Variants in ANKRD37 observed in about 807,000 individuals in gnomAD.
ANKRD37 encodes ankyrin repeat domain 37, also known as ankyrin repeat domain-containing protein 37.
In ANKRD37, 17 loss-of-function variants were observed where a neutral mutation model predicts 19.7. That is an observed-to-expected ratio of 0.86 (90% confidence interval 0.59 to 1.29). The LOEUF is 1.29. Among genes scored for constraint, ANKRD37 ranks in the 50% most tolerant of loss-of-function variants. The pLI is 0.00. For missense variants in ANKRD37, 207 were observed against 190.4 expected, an observed-to-expected ratio of 1.09 and a Z score of -0.51; for synonymous variants, 79 against 74.5, an observed-to-expected ratio of 1.06 and a Z score of -0.31.
chr4:185,399,898 T>TCACTCTCA, intron 4 of ANKRD37, 119 bp from the exon 5 acceptor site: 1 of 1,539,646 alleles, frequency 6.5e-7, no homozygotes, highest in Non-Finnish European at 8.7e-7. Flanking sequence ...CATTAACATT[T>TCACTCTCA]TAGTACTGGT....
rs753135198 is a variant in ANKRD37 at position 185,399,023 on chromosome 4, A to G, written c.267A>G (p.Gln89=). The change falls in exon 3 of 5, where the codon CAA becomes CAG. Residue 89 remains glutamine (Q), a synonymous_variant. Transcript: ENST00000335174. ...GCCTGCTTGTAGCCAGTGATGCCCA[A>G]ATTGAGTGAGTATGAAAACAGTGGC... ...CLSLLVASDA[Q]IDLCNKNGQT... 2 of 1,613,390 alleles carry G rather than the reference A, an allele frequency of 1.2e-6. No homozygotes were observed. The highest frequency in any genetic ancestry group is 1.7e-6 in the Non-Finnish European group (2 of 1,179,552).
chr4:185,399,992 A>G, intron 4 of ANKRD37, 25 bp from the exon 5 acceptor site: 1 of 1,598,930 alleles, frequency 6.3e-7, no homozygotes. Context: ...AAAAGTTTTT[A>G]ATGTTAACGT....
Position 185,398,474 on chromosome 4 carries a change from A to G in ANKRD37, c.181-463A>G, listed in dbSNP as rs78617245. On this transcript the variant is annotated intron_variant, in intron 2 of 4. Transcript: ENST00000335174. ...TTCAAATTAGCCCATGGAGTTGGCTATCCCTAATGTAATCACTAAAAGTAT... is the reference window on the plus strand; with the variant it reads ...TTCAAATTAGCCCATGGAGTTGGCTGTCCCTAATGTAATCACTAAAAGTAT... Among the ~76,000 whole-genome samples the G allele has an allele frequency of 9.6e-3, 1,468 of 152,348 alleles. 33 individuals carry two copies. The highest frequency in any genetic ancestry group is 0.034 in the African/African-American group (1,400 of 41,574).
intron 4 of ANKRD37, 70 bp downstream of exon 4, chr4:185,399,843 C>T (rs1580043136): frequency 3.1e-6 from 5 of 1,589,828 alleles, no homozygotes; most frequent in Non-Finnish European, 4.3e-6. Flanking sequence ...TTTATTATTC[C>T]ATTTAATACT....
chr4:185,398,131 T>G (rs1426462031), intron 2 of ANKRD37, among the ~76,000 whole-genome samples: 1 of 152,114 alleles, frequency 6.6e-6, no homozygotes, highest in Non-Finnish European at 1.5e-5. Flanking sequence ...CTAATTTGTG[T>G]ATTTTTAGTA....
chr4:185,397,108 G>A (rs771059627), intron 1 of ANKRD37, 42 bp from the exon 2 acceptor site: 1 of 1,611,576 alleles, frequency 6.2e-7, no homozygotes, highest in Non-Finnish European at 8.5e-7. Flanking sequence ...CGCGGGACTG[G>A]ACAAAGGTGG....
intron 2 of ANKRD37, chr4:185,397,506 A>G: frequency 3.2e-6 from 2 of 619,754 alleles, no homozygotes; most frequent in South Asian, 5.5e-5. Context: ...TGAAGTTTTT[A>G]AGTAGCCACA....
At chr4:185,399,924 C>T in intron 4 of ANKRD37, 93 bp from the exon 5 acceptor site, 1 of 1,550,762 alleles carries the variant, frequency 6.4e-7, no homozygotes, top group Non-Finnish European at 8.7e-7. Flanking sequence ...TTACCAGAGT[C>T]TAGAGACCAA....
chr4:185,398,119 G>C (rs1172200092), intron 2 of ANKRD37, among the ~76,000 whole-genome samples: 1 of 151,916 alleles, frequency 6.6e-6, no homozygotes, highest in Non-Finnish European at 1.5e-5. Flanking sequence ...CACCGTGCCC[G>C]GCTAATTTGT....
chr4:185,398,186 G>A (rs1263981195), intron 2 of ANKRD37, among the ~76,000 whole-genome samples: 1 of 152,202 alleles, frequency 6.6e-6, no homozygotes, highest in East Asian at 1.9e-4. Flanking sequence ...TCGAACTCCT[G>A]ACCTTAGGTG....
At chr4:185,398,178 G>A (rs1487368219) in intron 2 of ANKRD37, among the ~76,000 whole-genome samples, 4 of 151,996 alleles carry the variant, frequency 2.6e-5, no homozygotes, top group African/African-American at 9.7e-5. Context: ...GGCTGGTCTC[G>A]AACTCCTGAC....
At chr4:185,399,972 C>A in intron 4 of ANKRD37, 45 bp from the exon 5 acceptor site, 2 of 1,592,292 alleles carry the variant, frequency 1.3e-6, no homozygotes, top group South Asian at 2.3e-5. Context: ...GGATAAAACT[C>A]TTTTTAAAAA....
At chr4:185,399,383 G>A (rs571994710) in intron 3 of ANKRD37, among the ~76,000 whole-genome samples, 187 bp from the exon 4 acceptor site, 30 of 152,200 alleles carry the variant, frequency 2.0e-4, no homozygotes, top group African/African-American at 6.5e-4. Flanking sequence ...TGGAATGCCC[G>A]CTCTATGCTG....
Position 185,396,902 on chromosome 4 carries a change from T to A in ANKRD37, c.-22T>A. 4.3e-6 allele frequency: 7 copies of A among 1,613,124 alleles called. No individual in the cohort carries two copies. Among genetic ancestry groups the A allele is most frequent in the Non-Finnish European group, 5.9e-6 (7 of 1,179,978 alleles). On this transcript the variant is annotated 5_prime_UTR_variant, in exon 1 of 5. Coordinates refer to ENST00000335174, the MANE Select transcript of ANKRD37 (RefSeq NM_181726.4). The stretch of plus-strand genomic sequence containing the variant: ...ACCTCTCTGCACTTCCAAGGACTCT[T>A]GTCATCTGCCTTAGGCGGGAAATGC...
intron 4 of ANKRD37, 38 bp from the exon 5 acceptor site, chr4:185,399,977 TAA>T (rs750447443): frequency 1.9e-6 from 3 of 1,594,706 alleles, no homozygotes; most frequent in Non-Finnish European, 2.6e-6. Flanking sequence ...AAACTCTTTT[TAA>T]AAAAAAGTTT....
rs1234030989 is a variant in ANKRD37 at position 185,397,303 on chromosome 4, G to A, written c.180+1G>A. The A allele has an allele frequency of 4.3e-6, 7 of 1,613,502 alleles. No individual in the cohort carries two copies. Among genetic ancestry groups the A allele is most frequent in the Middle Eastern group, 1.6e-4 (1 of 6,082 alleles). Reference sequence around the variant, plus strand: ...AACGGGCGCTGACCTCAACCAGCAGGTAACTAGGTAACTGTTGCTGTGTAC... The same window carrying A: ...AACGGGCGCTGACCTCAACCAGCAGATAACTAGGTAACTGTTGCTGTGTAC... On this transcript the variant is annotated splice_donor_variant, in intron 2 of 4. Transcript: ENST00000335174. LOFTEE classifies it high-confidence loss of function.
chr4:185,399,836 A>T (rs2095511070), intron 4 of ANKRD37, 63 bp downstream of exon 4: 1 of 1,600,620 alleles, frequency 6.2e-7, no homozygotes, highest in Non-Finnish European at 8.5e-7. Context: ...CATAGCATTT[A>T]TTATTCCATT....
rs544166048 is a variant in ANKRD37 at position 185,399,128 on chromosome 4, C to T, written c.272+100C>T. 4.1e-5 allele frequency: 40 copies of T among 974,794 alleles called. 2 individuals are homozygous for T. Among genetic ancestry groups the T allele is most frequent in the South Asian group, 3.5e-4 (25 of 70,606 alleles). The allele number at this position is 974,794 out of a possible 1,614,324, so 60.4% of individuals were successfully genotyped here. A position where few individuals can be genotyped will look rare whatever the true frequency, so the allele number is the denominator to read the frequency against. ...CATGTGCTTTTAAAAATAATGCTTG[C>T]GTAATTGATAATTTAGTGTTAATCA... is the stretch of plus-strand genomic sequence containing the variant. On this transcript the variant is annotated intron_variant, in intron 3 of 4. Coordinates refer to ENST00000335174, the MANE Select transcript of ANKRD37 (RefSeq NM_181726.4).
At position 185,399,659 on chromosome 4, in the gene ANKRD37, G is replaced by A. The variant is rs746051209; in HGVS notation, c.362G>A (p.Cys121Tyr). ...GCCAAGTTTCTTACAACAATTAAAT[G>A]TATGCAGACAATAAAAGCAAGTGAA... ...DCAKFLTTIK[C>Y]MQTIKASEHP... Residue 121 changes from cysteine (C) to tyrosine (Y), a missense_variant, in exon 4 of 5, where the codon TGT (cysteine) becomes TAT (tyrosine). By Grantham distance (194) the Cys-to-Tyr change is radical. Transcript: ENST00000335174. 1.2e-6 allele frequency: 2 copies of A among 1,614,172 alleles called. No homozygotes were observed. The highest frequency in any genetic ancestry group is 1.7e-6 in the Non-Finnish European group (2 of 1,180,024).
Sources: gnomAD v4.1 joint callset for allele counts (sites outside exome capture counted in the v4.1 genomes callset) on GRCh38, gnomAD v4.1.1 for gene constraint, MANE v1.5 for transcripts, NCBI Gene and HGNC (gene_info 2026-07-23, HGNC 2026-07-21) for gene names.